HTR4: variants seen among roughly 807,000 people sequenced by gnomAD.
The protein encoded by HTR4 is 5-hydroxytryptamine receptor 4.
A neutral mutation model predicts 36.8 loss-of-function variants in HTR4; 16 were observed. The observed-to-expected ratio is 0.43, with a 90% CI of 0.29 to 0.66. The LOEUF is 0.66. HTR4 is among the 30% of genes least tolerant of loss of function. The probability of loss-of-function intolerance (pLI) is 0.13; values close to 1 mark genes in which losing one functional copy is unlikely to be tolerated. For synonymous variants in HTR4, 189 were observed against 185.1 expected (o/e 1.02, Z -0.17); for missense variants, 438 against 490.9 (o/e 0.89, Z 1.02).
intron 2 of HTR4, among the ~76,000 whole-genome samples, chr5:148,620,807 T>C (rs967356243): frequency 6.6e-6 from 1 of 152,202 alleles, no homozygotes; most frequent in South Asian, 2.1e-4. Context: ...GATATGATGA[T>C]ATTCAGGAAG....
chr5:148,569,638 A>T (rs1158940995), intron 2 of HTR4, among the ~76,000 whole-genome samples: 1 of 151,696 alleles, frequency 6.6e-6, no homozygotes, highest in Admixed American at 6.6e-5. Context: ...TATACTTACA[A>T]TAAAATAATA....
intron 5 of HTR4, among the ~76,000 whole-genome samples, chr5:148,471,427 C>T (rs1426343372): frequency 6.6e-6 from 1 of 152,210 alleles, no homozygotes; most frequent in East Asian, 1.9e-4. Context: ...GCATTTGAAT[C>T]ATGCCTTCCT....
intron 6 of HTR4, among the ~76,000 whole-genome samples, chr5:148,491,398 T>C (rs1756430089): frequency 6.6e-6 from 1 of 152,058 alleles, no homozygotes; most frequent in Non-Finnish European, 1.5e-5. Context: ...CTGAACCTCC[T>C]GGTACTGTTG....
In HTR4 at chr5:148,495,104, C is replaced by A. The variant is rs1338975789; in HGVS notation, c.1077-11811G>T. 3.9e-5 allele frequency among the ~76,000 whole-genome samples: 6 copies of A among 152,320 alleles called. No homozygotes were observed. The South Asian group carries it at 1.2e-3, about 32-fold the overall frequency. On this transcript the variant is annotated intron_variant, in intron 6 of 6. Transcript: ENST00000377888. ...CTGAACCTGGAAACTGGGGAAGAAT[C>A]TAAGCCTGGTGAGAGAGCAGGGAAA...
intron 6 of HTR4, among the ~76,000 whole-genome samples, chr5:148,485,327 A>T (rs1269200061): frequency 6.6e-6 from 1 of 152,206 alleles, no homozygotes; most frequent in East Asian, 1.9e-4. Flanking sequence ...ACAGGGTCAG[A>T]CCTTACATTT....
At chr5:148,649,779 C>G (rs1466469716) in intron 1 of HTR4, among the ~76,000 whole-genome samples, 1 of 152,142 alleles carries the variant, frequency 6.6e-6, no homozygotes, top group Non-Finnish European at 1.5e-5. Context: ...CAGTCTTGTT[C>G]CACTCATTGA....
chr5:148,483,286 C>T lies in HTR4; in HGVS notation c.1084G>A (p.Val362Met), dbSNP rs1165997510. 1 of 1,613,108 alleles carries T rather than the reference C, an allele frequency of 6.2e-7. No homozygotes were observed. Among genetic ancestry groups the T allele is most frequent in the East Asian group, 2.2e-5 (1 of 44,774 alleles). Residue 362 changes from valine to methionine, a missense_variant, in exon 7 of 7, where the codon GTG becomes ATG. Transcript: ENST00000377888. ...NGSTHVLRDA[V>M]ECGGQWESQC... ...CTCTCCCACTGGCCACCACACTCCA[C>T]TGCATCCCTAGAGAGAGGAGAAGAT...
intron 2 of HTR4, among the ~76,000 whole-genome samples, chr5:148,602,182 G>T (rs1047034885): frequency 6.6e-6 from 1 of 152,100 alleles, no homozygotes; most frequent in Non-Finnish European, 1.5e-5. Flanking sequence ...GGAAAAGTTT[G>T]GGAGGTAAAG....
intron 4 of HTR4, among the ~76,000 whole-genome samples, chr5:148,548,041 A>T (rs1759477648): frequency 6.6e-6 from 1 of 152,218 alleles, no homozygotes; most frequent in South Asian, 2.1e-4. Flanking sequence ...AATCTGCAAC[A>T]AATGAGGCAA....
intron 5 of HTR4, among the ~76,000 whole-genome samples, chr5:148,459,169 G>A (rs755286083): frequency 4.6e-5 from 7 of 152,030 alleles, no homozygotes; most frequent in Non-Finnish European, 8.8e-5. Flanking sequence ...CATGGAGTTG[G>A]CATGACTGTA....
chr5:148,591,464 G>A (rs573157321), intron 2 of HTR4, among the ~76,000 whole-genome samples: 1 of 152,070 alleles, frequency 6.6e-6, no homozygotes, highest in African/African-American at 2.4e-5. Flanking sequence ...CTATCCATGA[G>A]CATGAGATGT....
At chr5:148,580,200 G>T (rs1761080241) in intron 2 of HTR4, among the ~76,000 whole-genome samples, 1 of 152,042 alleles carries the variant, frequency 6.6e-6, no homozygotes, top group Non-Finnish European at 1.5e-5. Flanking sequence ...TCCAAGTACT[G>T]ATTATGCTCA....
chr5:148,495,389 T>C (rs1756639840), intron 6 of HTR4, among the ~76,000 whole-genome samples: 1 of 152,194 alleles, frequency 6.6e-6, no homozygotes. Context: ...TCAGCACCGC[T>C]AGTCCCTTTT....
chr5:148,566,326 T>C (rs547409433), intron 2 of HTR4, among the ~76,000 whole-genome samples: 1 of 152,168 alleles, frequency 6.6e-6, no homozygotes, highest in South Asian at 2.1e-4. Context: ...TGACCTTTTT[T>C]AAAAAATTAC....
chr5:148,461,075 T>A (rs559742868), intron 5 of HTR4, among the ~76,000 whole-genome samples: 1 of 152,142 alleles, frequency 6.6e-6, no homozygotes, highest in Non-Finnish European at 1.5e-5. Context: ...TTATTAAATA[T>A]GTTTTCCCAA....
chr5:148,498,934 G>C (rs1184988228), intron 6 of HTR4, among the ~76,000 whole-genome samples: 3 of 152,078 alleles, frequency 2.0e-5, no homozygotes, highest in Admixed American at 1.3e-4. Context: ...TGGTTTGTAG[G>C]CAAACTAGAG....
At chr5:148,468,251 A>G (rs1218417118) in intron 5 of HTR4, among the ~76,000 whole-genome samples, 2 of 152,222 alleles carry the variant, frequency 1.3e-5, no homozygotes, top group African/African-American at 4.8e-5. Context: ...AACAAAGAGA[A>G]GAGGTCAGTA....
chr5:148,451,746 G>T (rs150848745), intron 5 of HTR4, among the ~76,000 whole-genome samples: 1 of 152,224 alleles, frequency 6.6e-6, no homozygotes, highest in Non-Finnish European at 1.5e-5. Flanking sequence ...ATTCCTTTTG[G>T]TGCCATTTGG....
chr5:148,522,187 A>G (rs1182405931), intron 5 of HTR4, among the ~76,000 whole-genome samples: 2 of 152,138 alleles, frequency 1.3e-5, no homozygotes, highest in Non-Finnish European at 2.9e-5. Flanking sequence ...AGGCCTCCCC[A>G]GGCATGTGGA....
Sources: allele counts gnomAD v4.1 joint callset (sites outside exome capture counted in the v4.1 genomes callset), GRCh38; gene constraint gnomAD v4.1.1; transcripts MANE v1.5; gene names NCBI Gene and HGNC (gene_info 2026-07-23, HGNC 2026-07-21).